Variants in SRD5A3 observed in about 807,000 individuals in gnomAD.
SRD5A3 encodes steroid 5 alpha-reductase 3, also known as polyprenal reductase.
A neutral mutation model predicts 34.3 loss-of-function variants in SRD5A3; 24 were observed. That is an observed-to-expected ratio of 0.70 (90% CI 0.51 to 0.99). The LOEUF (loss-of-function observed/expected upper bound fraction) is 0.99, where lower values mean the gene tolerates loss of function less well. Ranked by LOEUF, SRD5A3 falls within the 50% of genes least tolerant of loss-of-function variation. SRD5A3 has a pLI of 0.00. For missense variants in SRD5A3, 350 were observed against 388.2 expected (o/e 0.90, Z 0.83); for synonymous variants, 161 against 167.3 (o/e 0.96, Z 0.29).
chr4:55,349,180 G>A (rs144812649), intron 1 of SRD5A3, among the ~76,000 whole-genome samples: 148 of 152,214 alleles, frequency 9.7e-4, no homozygotes, highest in Admixed American at 1.7e-3. Context: ...GACTAGAGGT[G>A]CACACCACCA....
intron 1 of SRD5A3, among the ~76,000 whole-genome samples, chr4:55,351,549 CG>C (rs1303864477): frequency 2.0e-5 from 3 of 151,620 alleles, no homozygotes; most frequent in African/African-American, 7.3e-5. Context: ...GCTGGCCACT[CG>C]GGAGGCTGAG....
At chr4:55,365,761 A>G (rs946488270) in intron 3 of SRD5A3, 5 of 152,316 alleles carry the variant, frequency 3.3e-5, no homozygotes, top group Admixed American at 2.6e-4. Flanking sequence ...TTCAAGGGTC[A>G]TCTGGGATCA....
intron 1 of SRD5A3, among the ~76,000 whole-genome samples, chr4:55,358,596 A>G (rs1434672831): frequency 1.3e-5 from 2 of 150,574 alleles, no homozygotes; most frequent in Non-Finnish European, 1.5e-5. Context: ...CCCTTGTGCC[A>G]TATTAGGTGA....
chr4:55,354,812 G>T (rs1034988796), intron 1 of SRD5A3, among the ~76,000 whole-genome samples: 2 of 152,240 alleles, frequency 1.3e-5, no homozygotes, highest in African/African-American at 4.8e-5. Flanking sequence ...TTTACTGTGT[G>T]TGTGTGCGCG....
intron 3 of SRD5A3, chr4:55,366,949 T>C (rs558826524): frequency 2.6e-5 from 4 of 153,420 alleles, no homozygotes; most frequent in African/African-American, 9.6e-5. Flanking sequence ...TGAAACTCAG[T>C]CTCTCGACTG....
rs34820507 is a variant in SRD5A3, at chr4:55,351,657, CA to C, written c.221+5111del. Reference sequence around the variant, plus strand: ...GGGCAACAACAGCGAAACTTCATCTCAAAAAAAAAAAGGGGTGAGCATATTT... The same window carrying C: ...GGGCAACAACAGCGAAACTTCATCTCAAAAAAAAAAGGGGTGAGCATATTT... On this transcript the variant is annotated intron_variant, in intron 1 of 4. Transcript: ENST00000264228. Among the ~76,000 whole-genome samples the C allele has an allele frequency of 2.7e-3, 380 of 140,964 alleles. 1 individual carries two copies. The highest frequency in any genetic ancestry group is 7.9e-3 in the African/African-American group (304 of 38,572). 92.5% of individuals were successfully genotyped at this position (140,964 alleles called of 152,430 possible).
intron 3 of SRD5A3, among the ~76,000 whole-genome samples, chr4:55,367,387 C>T (rs986325276): frequency 6.6e-6 from 1 of 152,116 alleles, no homozygotes; most frequent in African/African-American, 2.4e-5. Flanking sequence ...CAGGGCTTTT[C>T]CCTCTGTATT....
At chr4:55,360,979 C>T (rs11724565) in intron 2 of SRD5A3, among the ~76,000 whole-genome samples, 24,052 of 151,970 alleles carry the variant, frequency 0.16, 2,165 homozygotes, top group Non-Finnish European at 0.2. Flanking sequence ...TGTGAGCCAC[C>T]GCGCCCGGCC....
intron 2 of SRD5A3, among the ~76,000 whole-genome samples, chr4:55,362,494 G>A (rs909184865): frequency 1.3e-5 from 2 of 152,082 alleles, no homozygotes; most frequent in African/African-American, 4.8e-5. Flanking sequence ...TCACTCTGTT[G>A]TACAGGCTGG....
At chr4:55,367,119 G>T (rs1422279483) in intron 3 of SRD5A3, 1 of 207,940 alleles carries the variant, frequency 4.8e-6, no homozygotes, top group African/African-American at 2.3e-5. Context: ...TCCCTAGCAG[G>T]ATGGTAGCTC....
In SRD5A3 at chr4:55,370,028, C is replaced by G. The variant is rs758956325; in HGVS notation, c.894C>G (p.Phe298Leu). 1.7e-5 allele frequency: 27 copies of G among 1,614,042 alleles called. No individual in the cohort carries two copies. Among genetic ancestry groups the G allele is most frequent in the Non-Finnish European group, 2.1e-5 (25 of 1,180,034 alleles). Reference protein sequence around the residue: ...QALSAFLSHQFYKSKFVSYPK... With the variant: ...QALSAFLSHQLYKSKFVSYPK... ...TGTCTGCCTTTCTCAGCCACCAATTCTACAAAAGCAAATTTGTCTCTTACC... is the reference window on the plus strand; with the variant it reads ...TGTCTGCCTTTCTCAGCCACCAATTGTACAAAAGCAAATTTGTCTCTTACC... The change falls in exon 5 of 5, where the codon TTC becomes TTG. Residue 298 changes from phenylalanine (F) to leucine (L), a missense_variant. This residue lies in a region of SRD5A3 where 186 missense variants were observed against 221.4 expected (regional missense o/e 0.84). Coordinates refer to ENST00000264228, the MANE Select transcript of SRD5A3 (RefSeq NM_024592.5).
intron 4 of SRD5A3, 27 bp from the exon 5 acceptor site, chr4:55,369,805 T>G (rs747172128): frequency 1.2e-6 from 2 of 1,614,058 alleles, no homozygotes; most frequent in Admixed American, 1.7e-5. Flanking sequence ...CTTTAAATGC[T>G]TATGAGATCT....
intron 1 of SRD5A3, among the ~76,000 whole-genome samples, chr4:55,350,999 C>T (rs1248272724): frequency 6.6e-6 from 1 of 152,080 alleles, no homozygotes; most frequent in Admixed American, 6.5e-5. Context: ...CTCCTGACCT[C>T]AGATGATCCG....
In SRD5A3 at chr4:55,370,425, A is replaced by G. The variant is rs1286288991; in HGVS notation, c.*334A>G. 1 of 337,130 alleles carries G rather than the reference A, an allele frequency of 3.0e-6. No homozygotes were observed. The highest frequency in any genetic ancestry group is 5.5e-6 in the Non-Finnish European group (1 of 182,278). The allele number at this position is 337,130 out of a possible 1,614,324, so 20.9% of individuals were successfully genotyped here. ...TAACCGAAAAACCGAAAATATACAA[A>G]CAGCTTCACACACACACACACACAC... is the stretch of plus-strand genomic sequence containing the variant. On this transcript the variant is annotated 3_prime_UTR_variant, in exon 5 of 5. Coordinates refer to ENST00000264228, the MANE Select transcript of SRD5A3 (RefSeq NM_024592.5).
At chr4:55,365,402 T>A (rs542350060) in intron 3 of SRD5A3, among the ~76,000 whole-genome samples, 1 of 152,246 alleles carries the variant, frequency 6.6e-6, no homozygotes, top group Admixed American at 6.5e-5. Context: ...TCATGAATTA[T>A]TGATTGGCTC....
chr4:55,354,840 G>A (rs540539730), intron 1 of SRD5A3, among the ~76,000 whole-genome samples: 4 of 152,258 alleles, frequency 2.6e-5, no homozygotes, highest in Non-Finnish European at 5.9e-5. Context: ...GCGCGCGTAC[G>A]CATGTGTAAG....
rs770085775 is a variant in SRD5A3, at chr4:55,364,173, A to G, written c.464A>G (p.Asn155Ser). ...FECLYVSVFSNVMIHVVQYCF... is the reference protein window; with the variant it reads ...FECLYVSVFSSVMIHVVQYCF... ...TGCCTCTACGTCAGTGTCTTCTCCA[A>G]TGTCATGATTCACGTCGTGCAGTAC... The change falls in exon 3 of 5, where the codon AAT becomes AGT. Residue 155 changes from asparagine to serine, a missense_variant. Asn to Ser is a conservative substitution (Grantham distance 46). Around this residue, in one of 3 missense-constraint regions of SRD5A3, gnomAD observed 186 missense variants for 221.4 expected, o/e 0.84. Coordinates refer to ENST00000264228, the MANE Select transcript of SRD5A3 (RefSeq NM_024592.5). 1.7e-5 allele frequency: 27 copies of G among 1,613,994 alleles called. No individual in the cohort carries two copies. Among genetic ancestry groups the G allele is most frequent in the Non-Finnish European group, 1.9e-5 (23 of 1,180,036 alleles).
chr4:55,367,761 C>T (rs753083831), intron 4 of SRD5A3, 39 bp downstream of exon 4: 3 of 1,613,216 alleles, frequency 1.9e-6, no homozygotes, highest in East Asian at 2.2e-5. Flanking sequence ...TGGATTTTAA[C>T]CCTCAGAAGT....
In SRD5A3 at chr4:55,371,733, A is replaced by G. The variant is rs1284698546; in HGVS notation, c.*1642A>G. The stretch of plus-strand genomic sequence containing the variant: ...AGTGGTGGGATCCTGGCTCACTGCA[A>G]CCTCCGCCTTCTGGGTTCCAGCGAT... On this transcript the variant is annotated 3_prime_UTR_variant, in exon 5 of 5. Coordinates refer to ENST00000264228, the MANE Select transcript of SRD5A3 (RefSeq NM_024592.5). 1 of 151,992 alleles carries G rather than the reference A, an allele frequency of 6.6e-6. No individual in the cohort carries two copies. The highest frequency in any genetic ancestry group is 1.5e-5 in the Non-Finnish European group (1 of 68,050). The allele number at this position is 151,992 out of a possible 1,614,324, so 9.4% of individuals were successfully genotyped here. A position where few individuals can be genotyped will look rare whatever the true frequency, so the allele number is the denominator to read the frequency against.
Sources: allele counts gnomAD v4.1 joint callset (sites outside exome capture counted in the v4.1 genomes callset), GRCh38; gene constraint gnomAD v4.1.1; regional missense constraint gnomAD v4.1.1; transcripts MANE v1.5; gene names NCBI Gene and HGNC (gene_info 2026-07-23, HGNC 2026-07-21).